Variants in ADD1 observed in about 807,000 individuals in gnomAD.
ADD1 encodes alpha-adducin.
ADD1 carries 24 observed loss-of-function variants against 80.5 expected under a neutral mutation model. The observed-to-expected ratio is 0.30, with a 90% CI of 0.22 to 0.42. The LOEUF is 0.42. ADD1 is among the 10% of genes least tolerant of loss of function. The pLI is 1.00. For missense variants in ADD1, 948 were observed against 1,019.0 expected (o/e 0.93, Z 0.95); for synonymous variants, 373 against 393.8 (o/e 0.95, Z 0.63).
intron 14 of ADD1, among the ~76,000 whole-genome samples, chr4:2,918,742 G>T (rs944591565): frequency 6.6e-6 from 1 of 152,040 alleles, no homozygotes; most frequent in Non-Finnish European, 1.5e-5. Context: ...GAATTTTATT[G>T]AAGGCTTTTT....
At chr4:2,868,082 G>A (rs1009128169) in intron 1 of ADD1, 1 of 152,192 alleles carries the variant, frequency 6.6e-6, no homozygotes, top group Admixed American at 6.5e-5. Context: ...TCCCAAACAG[G>A]GCACACTCCG....
chr4:2,852,186 CTTTCTTT>C (rs1211942203), intron 1 of ADD1, among the ~76,000 whole-genome samples: 20 of 40,352 alleles, frequency 5.0e-4, no homozygotes, highest in African/African-American at 8.9e-4. Context: ...TTCTTTCTTT[CTTTCTTT>C]CTTTCCTTTC....
At chr4:2,889,212 T>G (rs534259813) in intron 4 of ADD1, among the ~76,000 whole-genome samples, 5 of 152,296 alleles carry the variant, frequency 3.3e-5, no homozygotes, top group African/African-American at 1.2e-4. Flanking sequence ...CATGCTGTAG[T>G]CGGCATTGCA....
chr4:2,868,350 G>A (rs974110001), intron 1 of ADD1, among the ~76,000 whole-genome samples: 2 of 152,162 alleles, frequency 1.3e-5, no homozygotes, highest in African/African-American at 2.4e-5. Context: ...TGGCCAGGGC[G>A]TCCATGTCTC....
At chr4:2,844,433 C>T (rs1296145246) in intron 1 of ADD1, 1 of 152,260 alleles carries the variant, frequency 6.6e-6, no homozygotes, top group African/African-American at 2.4e-5. Flanking sequence ...ACGGACGCAT[C>T]TGTCGGCTCT....
rs184396807 is a variant in ADD1 at position 2,845,123 on chromosome 4, A to T, written c.-21+1099A>T. Reference sequence around the variant, plus strand: ...GAGTCTCGCTCTGTCGCCAGGCTGGAGTACAGTGGCGCGATCTCCAGTCAC... The same window carrying T: ...GAGTCTCGCTCTGTCGCCAGGCTGGTGTACAGTGGCGCGATCTCCAGTCAC... On this transcript the variant is annotated intron_variant, in intron 1 of 15. Transcript: ENST00000683351. 4.6e-5 allele frequency among the ~76,000 whole-genome samples: 7 copies of T among 151,982 alleles called. No homozygotes were observed. The East Asian group carries it at 1.4e-3, about 29-fold the overall frequency.
chr4:2,874,707 AAC>A (rs1491423549), intron 1 of ADD1, among the ~76,000 whole-genome samples: 4 of 152,176 alleles, frequency 2.6e-5, no homozygotes, highest in South Asian at 2.1e-4. Context: ...CTTAAAAAAA[AAC>A]ACTAATTTCT....
intron 6 of ADD1, among the ~76,000 whole-genome samples, 192 bp downstream of exon 6, chr4:2,894,923 A>G (rs1734940123): frequency 6.6e-6 from 1 of 152,092 alleles, no homozygotes; most frequent in Non-Finnish European, 1.5e-5. Flanking sequence ...CATATATCCC[A>G]TTTAATTTGG....
rs1459024521 is a variant in ADD1 at position 2,928,330 on chromosome 4, C to T, written c.2207C>T (p.Pro736Leu). The T allele has an allele frequency of 1.2e-6, 2 of 1,613,842 alleles. No individual in the cohort carries two copies. The highest frequency in any genetic ancestry group is 8.5e-7 in the Non-Finnish European group (1 of 1,179,978). Residue 736 changes from proline to leucine, a missense_variant, in exon 16 of 16, where the codon CCT (proline) becomes CTT (leucine). By Grantham distance (98) the Pro-to-Leu change is moderately conservative. Coordinates refer to ENST00000683351, the MANE Select transcript of ADD1 (RefSeq NM_001354761.2). ...AHRPPSPTEAPTEASPEPAPD... is the reference protein window; with the variant it reads ...AHRPPSPTEALTEASPEPAPD... ...AGACCCCCAAGCCCCACTGAGGCCC[C>T]TACTGAGGCCAGCCCCGAGCCAGCC... is the stretch of plus-strand genomic sequence containing the variant.
At position 2,928,019 on chromosome 4, in the gene ADD1, G is replaced by C. The variant is rs1712173935; in HGVS notation, c.2048-152G>C. The stretch of plus-strand genomic sequence containing the variant: ...GATATTAGCTCCATCCAGCCGTACA[G>C]TAGAGTAGACCATATTTTAAGTTTC... On this transcript the variant is annotated intron_variant, in intron 15 of 15. Coordinates refer to ENST00000683351, the MANE Select transcript of ADD1 (RefSeq NM_001354761.2). The C allele has an allele frequency of 6.7e-6, 5 of 743,184 alleles. No individual in the cohort carries two copies. The South Asian group carries it at 8.7e-5, about 13-fold the overall frequency. The allele number at this position is 743,184 out of a possible 1,614,324, so 46.0% of individuals were successfully genotyped here.
At chr4:2,898,890 G>C in intron 8 of ADD1, 1 of 382,214 alleles carries the variant, frequency 2.6e-6, no homozygotes, top group Non-Finnish European at 4.8e-6. Context: ...CAGAAGTAGA[G>C]ACTCAGAGAC....
intron 14 of ADD1, among the ~76,000 whole-genome samples, chr4:2,916,437 G>A (rs891331016): frequency 1.5e-4 from 23 of 151,908 alleles, no homozygotes; most frequent in Non-Finnish European, 5.9e-5. Flanking sequence ...CTCGTGATCC[G>A]CCCGCCTTGG....
At chr4:2,871,887 C>A (rs908970888) in intron 1 of ADD1, among the ~76,000 whole-genome samples, 1 of 152,158 alleles carries the variant, frequency 6.6e-6, no homozygotes, top group African/African-American at 2.4e-5. Context: ...TCAAATGTCA[C>A]TTTTAGATTT....
At chr4:2,863,219 ATT>A (rs34312305) in intron 1 of ADD1, among the ~76,000 whole-genome samples, 21 of 123,740 alleles carry the variant, frequency 1.7e-4, no homozygotes, top group South Asian at 5.1e-4. Flanking sequence ...CTAATTTTTA[ATT>A]TTTTTTTTTT....
rs1043288879 is a variant in ADD1 at position 2,926,072 on chromosome 4, C to A, written c.2007C>A (p.Val669=). ...AGAGTCCTCCAGACCAGCCTGCGGT[C>A]CCCCACCCGCCTCCCAGCACTCCCA... ...KEKSPPDQPA[V]PHPPPSTPIK... is the part of the protein sequence containing the mutation. Residue 669 remains valine, a synonymous_variant, in exon 15 of 16, where the codon GTC becomes GTA. Coordinates refer to ENST00000683351, the MANE Select transcript of ADD1 (RefSeq NM_001354761.2). This position sits in a 1 kb window ranked among gnomAD's most constrained non-coding sequence, Gnocchi z 5.0. The A allele has an allele frequency of 1.2e-6, 2 of 1,614,010 alleles. No individual in the cohort carries two copies. Among genetic ancestry groups the A allele is most frequent in the African/African-American group, 2.7e-5 (2 of 74,928 alleles).
chr4:2,866,836 C>T (rs1264629912), intron 1 of ADD1, among the ~76,000 whole-genome samples: 1 of 152,128 alleles, frequency 6.6e-6, no homozygotes. Flanking sequence ...TTTGGGAAGC[C>T]AAGGTGGGTG....
chr4:2,888,400 A>AATTATTATTATTATT (rs34400467), intron 4 of ADD1, among the ~76,000 whole-genome samples: 6 of 139,958 alleles, frequency 4.3e-5, no homozygotes, highest in East Asian at 2.1e-4. Context: ...GTAATAATGA[A>AATTATTATTATTATT]ATTATTATTA....
In ADD1 at chr4:2,884,592, C is replaced by T. The variant is rs748923951; in HGVS notation, c.436C>T (p.Arg146Trp). 4.3e-6 allele frequency: 7 copies of T among 1,613,390 alleles called. No homozygotes were observed. The highest frequency in any genetic ancestry group is 1.7e-5 in the Admixed American group (1 of 59,962). Reference sequence around the variant, plus strand: ...GTATGACAAAGGAGAGAAGTTATTACGGTGTAAATTGGCAGCGTTTTATAG... The same window carrying T: ...GTATGACAAAGGAGAGAAGTTATTATGGTGTAAATTGGCAGCGTTTTATAG... ...IAYDKGEKLL[R>W]CKLAAFYRLA... The change falls in exon 4 of 16, where the codon CGG (arginine) becomes TGG (tryptophan). Residue 146 changes from arginine (R) to tryptophan (W), a missense_variant. Arg to Trp is a moderately radical substitution (Grantham distance 101). Transcript: ENST00000683351.
chr4:2,850,795 C>T (rs556779105), intron 1 of ADD1, among the ~76,000 whole-genome samples: 1 of 152,018 alleles, frequency 6.6e-6, no homozygotes, highest in Non-Finnish European at 1.5e-5. Context: ...GTCTTGAACT[C>T]CTGACCTCAA....
Sources: gnomAD v4.1 joint callset for allele counts (sites outside exome capture counted in the v4.1 genomes callset) on GRCh38, gnomAD v4.1.1 for gene constraint, Gnocchi (gnomAD v3.1) non-coding constraint, MANE v1.5 for transcripts, NCBI Gene and HGNC (gene_info 2026-07-23, HGNC 2026-07-21) for gene names.